The following AGMO variants were observed in gnomAD, a reference collection of about 807,000 sequenced individuals.
AGMO encodes glyceryl-ether monooxygenase.
Under a neutral mutation model 60.2 loss-of-function variants are expected in AGMO, and 75 were observed. That is an observed-to-expected ratio of 1.25 (90% CI 1.03 to 1.51). The LOEUF (loss-of-function observed/expected upper bound fraction) is 1.51. Among genes scored for constraint, AGMO ranks in the 40% most tolerant of loss-of-function variants. The pLI, the probability that AGMO is intolerant of heterozygous loss-of-function variation, is 0.00. For missense variants in AGMO, 763 were observed against 525.5 expected (o/e 1.45, Z -4.42); for synonymous variants, 261 against 177.1 (o/e 1.47, Z -3.76).
Position 15,255,227 on chromosome 7 carries a change from G to A in AGMO, c.1264-53868C>T, listed in dbSNP as rs184684135. On this transcript the variant is annotated intron_variant, in intron 12 of 12. Transcript: ENST00000342526. ...CTGTCCGGGGAGGGGAGGGAGGTTA[G>A]GGAAGGGATAACATTAGGAGAAATA... Among the ~76,000 whole-genome samples, 378 of 152,198 alleles carry A rather than the reference G, an allele frequency of 2.5e-3. 3 individuals are homozygous for A. Among genetic ancestry groups the A allele is most frequent in the African/African-American group, 8.7e-3 (361 of 41,528 alleles).
At chr7:15,511,207 C>G (rs1330353853) in intron 3 of AGMO, among the ~76,000 whole-genome samples, 1 of 152,108 alleles carries the variant, frequency 6.6e-6, no homozygotes, top group East Asian at 1.9e-4. Flanking sequence ...TCACAGGGCA[C>G]TCACACACCC....
At chr7:15,158,918 G>C in the AGMO span, among the ~76,000 whole-genome samples, 4 of 152,088 alleles carry the variant, frequency 2.6e-5, no homozygotes, top group Non-Finnish European at 5.9e-5. Flanking sequence ...ACAAAATGTT[G>C]AGCAAAGGCA....
At chr7:15,135,460 T>G in the AGMO span, among the ~76,000 whole-genome samples, 1 of 152,292 alleles carries the variant, frequency 6.6e-6, no homozygotes, top group Non-Finnish European at 1.5e-5. Flanking sequence ...ATATTTTGAC[T>G]TTATGAGTTT....
chr7:15,510,249 T>C (rs1783634248), intron 3 of AGMO, among the ~76,000 whole-genome samples: 1 of 152,080 alleles, frequency 6.6e-6, no homozygotes, highest in Admixed American at 6.6e-5. Flanking sequence ...CACTGCAGCC[T>C]CCACCTCCGA....
chr7:15,239,770 T>C lies in AGMO; in HGVS notation c.1264-38411A>G, dbSNP rs190576501. Among the ~76,000 whole-genome samples, 297 of 152,238 alleles carry C rather than the reference T, an allele frequency of 2.0e-3. 3 individuals carry two copies. Among genetic ancestry groups the C allele is most frequent in the Admixed American group, 5.0e-3 (76 of 15,284 alleles). On this transcript the variant is annotated intron_variant, in intron 12 of 12. Transcript: ENST00000342526. Reference sequence around the variant, plus strand: ...TTTCTTATTATGTACACTTATTAAGTACACTTACATATTAAAAATATGTAG... The same window carrying C: ...TTTCTTATTATGTACACTTATTAAGCACACTTACATATTAAAAATATGTAG...
At chr7:15,326,366 C>G (rs1404228310) in intron 12 of AGMO, among the ~76,000 whole-genome samples, 1 of 152,114 alleles carries the variant, frequency 6.6e-6, no homozygotes, top group Non-Finnish European at 1.5e-5. Context: ...AATATAGCGT[C>G]TTGGCAAAAT....
chr7:15,337,595 G>T (rs576518171), intron 12 of AGMO, among the ~76,000 whole-genome samples: 1 of 152,146 alleles, frequency 6.6e-6, no homozygotes, highest in African/African-American at 2.4e-5. Context: ...GTAGAGAAGA[G>T]GTCATTACAA....
At chr7:15,177,393 T>A in the AGMO span, among the ~76,000 whole-genome samples, 1 of 152,132 alleles carries the variant, frequency 6.6e-6, no homozygotes. Flanking sequence ...AAAACAGTCT[T>A]TCTGCCCATC....
At chr7:15,298,564 G>C (rs748285662) in intron 12 of AGMO, among the ~76,000 whole-genome samples, 1 of 151,994 alleles carries the variant, frequency 6.6e-6, no homozygotes, top group Non-Finnish European at 1.5e-5. Context: ...AACATGCTCA[G>C]ATTATTTGTG....
At chr7:15,391,405 C>T (rs1784131878) in intron 6 of AGMO, among the ~76,000 whole-genome samples, 1 of 152,052 alleles carries the variant, frequency 6.6e-6, no homozygotes, top group African/African-American at 2.4e-5. Flanking sequence ...AAAAAATAAA[C>T]TACCCTTAAC....
At chr7:15,375,913 T>G (rs575981187) in intron 10 of AGMO, among the ~76,000 whole-genome samples, 1 of 152,142 alleles carries the variant, frequency 6.6e-6, no homozygotes, top group Admixed American at 6.6e-5. Context: ...AAAACACTTA[T>G]AGTGATATGA....
intron 12 of AGMO, among the ~76,000 whole-genome samples, chr7:15,299,581 T>C (rs1167775699): frequency 6.6e-6 from 1 of 152,084 alleles, no homozygotes; most frequent in Non-Finnish European, 1.5e-5. Flanking sequence ...ATTCTAGCAC[T>C]TTGGGAGGCC....
At chr7:15,452,169 T>A (rs947169655) in intron 3 of AGMO, among the ~76,000 whole-genome samples, 5 of 152,106 alleles carry the variant, frequency 3.3e-5, no homozygotes. Flanking sequence ...CTTCATGACA[T>A]TGGATTAGGC....
chr7:15,299,830 TACACACACACACACACACACACACACAC>T (rs756832586), intron 12 of AGMO, among the ~76,000 whole-genome samples: 3 of 48,190 alleles, frequency 6.2e-5, no homozygotes, highest in Non-Finnish European at 1.0e-4. Context: ...TCTGTCTACA[TACACACACACACACACACACACACACAC>T]ACACACACAC....
the AGMO span, among the ~76,000 whole-genome samples, chr7:15,164,536 C>CA: frequency 6.6e-6 from 1 of 151,846 alleles, no homozygotes; most frequent in African/African-American, 2.4e-5. Context: ...CTCCACAAGA[C>CA]AAAAACACCC....
rs1290682337 is a variant in AGMO, at chr7:15,322,633, T to TATATATAA, written c.1263+42873_1263+42880dup. ...ATATAAATATATAAATATATATAAA[T>TATATATAA]ATATATAAATATATAAATATATATA... On this transcript the variant is annotated intron_variant, in intron 12 of 12. Transcript: ENST00000342526. Among the ~76,000 whole-genome samples the TATATATAA allele has an allele frequency of 1.4e-4, 9 of 63,484 alleles. 3 individuals are homozygous for TATATATAA. The highest frequency in any genetic ancestry group is 7.6e-4 in the African/African-American group (9 of 11,844). 41.6% of individuals were successfully genotyped at this position (63,484 alleles called of 152,430 possible).
intron 12 of AGMO, among the ~76,000 whole-genome samples, chr7:15,250,283 G>GA (rs1782891840): frequency 1.3e-5 from 2 of 152,022 alleles, no homozygotes; most frequent in Non-Finnish European, 2.9e-5. Flanking sequence ...ACTGTACAAA[G>GA]AATCCTAATA....
At chr7:15,508,313 G>A (rs1194194177) in intron 3 of AGMO, among the ~76,000 whole-genome samples, 2 of 152,146 alleles carry the variant, frequency 1.3e-5, no homozygotes, top group African/African-American at 4.8e-5. Flanking sequence ...TGTCTGGGAT[G>A]TAGTAAAAAC....
At chr7:15,310,189 T>A (rs995987957) in intron 12 of AGMO, among the ~76,000 whole-genome samples, 4 of 152,194 alleles carry the variant, frequency 2.6e-5, no homozygotes, top group African/African-American at 7.2e-5. Context: ...TAAAGAATAA[T>A]TTGATTCAGT....
Sources: allele counts gnomAD v4.1 joint callset (sites outside exome capture counted in the v4.1 genomes callset), GRCh38; gene constraint gnomAD v4.1.1; transcripts MANE v1.5; gene names NCBI Gene and HGNC (gene_info 2026-07-23, HGNC 2026-07-21).